Variants in NEMP2 observed in about 807,000 individuals in gnomAD.
The protein encoded by NEMP2 is UPF0571 transmembrane protein.
Under a neutral mutation model 54.2 loss-of-function variants are expected in NEMP2, and 53 were observed. That is an observed-to-expected ratio of 0.98 (90% CI 0.78 to 1.23). The LOEUF (loss-of-function observed/expected upper bound fraction) is 1.23, where lower values mean the gene tolerates loss of function less well. NEMP2 is among the 50% of genes most tolerant of loss of function. The pLI is 0.00. For synonymous variants in NEMP2, 197 were observed against 190.3 expected (o/e 1.04, Z -0.29); for missense variants, 455 against 511.3 (o/e 0.89, Z 1.06).
downstream of NEMP2, among the ~76,000 whole-genome samples, chr2:190,503,756 C>A (rs1047518626): frequency 6.6e-6 from 1 of 152,170 alleles, no homozygotes; most frequent in African/African-American, 2.4e-5. This position sits in a 1 kb window ranked among gnomAD's most constrained non-coding sequence, Gnocchi z 6.3. Context: ...AATTCCAAAC[C>A]ATGGGGCAGT....
At chr2:190,564,419 A>C in the NEMP2 span, among the ~76,000 whole-genome samples, 1 of 152,166 alleles carries the variant, frequency 6.6e-6, no homozygotes, top group East Asian at 1.9e-4. The surrounding 1 kb of genome is among the most constrained non-coding windows in gnomAD (Gnocchi z 4.2). Flanking sequence ...TTTAGGGCCA[A>C]TTTTATTCAA....
At chr2:190,425,042 A>G in the NEMP2 span, among the ~76,000 whole-genome samples, 2 of 152,178 alleles carry the variant, frequency 1.3e-5, no homozygotes, top group Non-Finnish European at 2.9e-5. The surrounding 1 kb of genome is among the most constrained non-coding windows in gnomAD (Gnocchi z 4.3). Context: ...TCAGCATTTT[A>G]TGGTTTTCAG....
chr2:190,571,172 G>A, the NEMP2 span, among the ~76,000 whole-genome samples: 4 of 152,124 alleles, frequency 2.6e-5, no homozygotes, highest in Non-Finnish European at 5.9e-5. Context: ...AATTTTGGAG[G>A]ATTACATAAG....
chr2:190,464,015 A>G, the NEMP2 span: 1 of 488,354 alleles, frequency 2.0e-6, no homozygotes, highest in African/African-American at 2.1e-5. Context: ...AACTCCAGCC[A>G]GGTATAGCTG....
chr2:190,602,999 G>A, the NEMP2 span, among the ~76,000 whole-genome samples: 11 of 152,054 alleles, frequency 7.2e-5, no homozygotes, highest in African/African-American at 2.7e-4. Context: ...TGTAACTGAT[G>A]GGCTTATATC....
At chr2:190,558,771 A>G in the NEMP2 span, among the ~76,000 whole-genome samples, 1 of 152,202 alleles carries the variant, frequency 6.6e-6, no homozygotes, top group Non-Finnish European at 1.5e-5. This position sits in a 1 kb window ranked among gnomAD's most constrained non-coding sequence, Gnocchi z 4.4. Context: ...TCAAAAAATA[A>G]AGTAAACTGA....
In NEMP2 at chr2:190,522,195, T is replaced by C. The variant is rs1690774629; in HGVS notation, c.214-3012A>G. On this transcript the variant is annotated intron_variant, in intron 2 of 8. Coordinates refer to ENST00000409150, the MANE Select transcript of NEMP2 (RefSeq NM_001142645.2). This position sits in a 1 kb window ranked among gnomAD's most constrained non-coding sequence, Gnocchi z 5.0. ...AATGATAATAACACAAACATAAAGA[T>C]GGAAACAACAGACAACTGGGGACTT... Among the ~76,000 whole-genome samples the C allele has an allele frequency of 6.6e-6, 1 of 152,018 alleles. No individual in the cohort carries two copies. Among genetic ancestry groups the C allele is most frequent in the South Asian group, 2.1e-4 (1 of 4,814 alleles).
the NEMP2 span, among the ~76,000 whole-genome samples, chr2:190,448,176 A>G: frequency 7.9e-5 from 12 of 152,190 alleles, no homozygotes; most frequent in African/African-American, 2.9e-4. Flanking sequence ...GTCAAAGTGT[A>G]TGGTAGACAA....
chr2:190,621,343 T>C, the NEMP2 span, among the ~76,000 whole-genome samples: 1 of 152,314 alleles, frequency 6.6e-6, no homozygotes, highest in African/African-American at 2.4e-5. Flanking sequence ...AGCATAATGG[T>C]AAACATTTGT....
At chr2:190,470,363 G>T in the NEMP2 span, among the ~76,000 whole-genome samples, 148 of 152,184 alleles carry the variant, frequency 9.7e-4, no homozygotes, top group African/African-American at 3.3e-3. Flanking sequence ...CAAATGTCCT[G>T]CCCTGAGTTC....
the NEMP2 span, among the ~76,000 whole-genome samples, chr2:190,487,284 T>G: frequency 6.6e-6 from 1 of 152,194 alleles, no homozygotes; most frequent in African/African-American, 2.4e-5. This position sits in a 1 kb window ranked among gnomAD's most constrained non-coding sequence, Gnocchi z 5.5. Flanking sequence ...GAGGTTGCAG[T>G]GAGCTGAGGT....
the NEMP2 span, among the ~76,000 whole-genome samples, chr2:190,457,003 C>T: frequency 2.6e-5 from 4 of 152,196 alleles, no homozygotes; most frequent in African/African-American, 4.8e-5. The surrounding 1 kb of genome is among the most constrained non-coding windows in gnomAD (Gnocchi z 5.1). Flanking sequence ...CATAAACGTT[C>T]ATCCAGCTTC....
the NEMP2 span, chr2:190,610,080 A>G: frequency 6.6e-6 from 1 of 152,222 alleles, no homozygotes; most frequent in Non-Finnish European, 1.5e-5. The surrounding 1 kb of genome is among the most constrained non-coding windows in gnomAD (Gnocchi z 5.4). Flanking sequence ...CTGTAGCCAA[A>G]AAATTAGAAT....
chr2:190,490,302 G>A, the NEMP2 span, among the ~76,000 whole-genome samples: 2 of 151,186 alleles, frequency 1.3e-5, no homozygotes, highest in Non-Finnish European at 2.9e-5. This position sits in a 1 kb window ranked among gnomAD's most constrained non-coding sequence, Gnocchi z 4.5. Flanking sequence ...AGTGGCTCAC[G>A]CCTGTAATCC....
At chr2:190,584,593 C>A in the NEMP2 span, among the ~76,000 whole-genome samples, 1 of 152,016 alleles carries the variant, frequency 6.6e-6, no homozygotes, top group Non-Finnish European at 1.5e-5. The surrounding 1 kb of genome is among the most constrained non-coding windows in gnomAD (Gnocchi z 4.2). Context: ...GAAAATATGG[C>A]CAGGCATGGT....
At chr2:190,607,187 C>T in the NEMP2 span, among the ~76,000 whole-genome samples, 1 of 152,142 alleles carries the variant, frequency 6.6e-6, no homozygotes, top group Non-Finnish European at 1.5e-5. This position sits in a 1 kb window ranked among gnomAD's most constrained non-coding sequence, Gnocchi z 5.2. Flanking sequence ...GAATAGGAGT[C>T]AGGGTTTGAC....
Position 190,517,609 on chromosome 2 carries a change from G to T in NEMP2, c.523C>A (p.Pro175Thr). Reference sequence around the variant, plus strand: ...GTTCCCGAGGAGTAATAGAAAGTAGGGCTTCTGTCAAGATAAGCAGATAAA... The same window carrying T: ...GTTCCCGAGGAGTAATAGAAAGTAGTGCTTCTGTCAAGATAAGCAGATAAA... ...FFYARTLSQS[P>T]TFYYSSGTVL... Residue 175 changes from proline (P) to threonine (T), a missense_variant, in exon 5 of 9, where the codon CCT (proline) becomes ACT (threonine). Coordinates refer to ENST00000409150, the MANE Select transcript of NEMP2 (RefSeq NM_001142645.2). 1 of 1,547,182 alleles carries T rather than the reference G, an allele frequency of 6.5e-7. No homozygotes were observed. Among genetic ancestry groups the T allele is most frequent in the Non-Finnish European group, 8.7e-7 (1 of 1,144,904 alleles).
At chr2:190,557,887 A>G in the NEMP2 span, among the ~76,000 whole-genome samples, 1 of 152,246 alleles carries the variant, frequency 6.6e-6, no homozygotes. Context: ...AGTGTAAATT[A>G]GTTCAACCAT....
the NEMP2 span, among the ~76,000 whole-genome samples, chr2:190,603,191 A>G: frequency 6.6e-6 from 1 of 152,122 alleles, no homozygotes; most frequent in Non-Finnish European, 1.5e-5. Flanking sequence ...GGGGTATGGA[A>G]TGTGGGGTGT....
Sources: gnomAD v4.1 joint callset for allele counts (sites outside exome capture counted in the v4.1 genomes callset) on GRCh38, gnomAD v4.1.1 for gene constraint, Gnocchi (gnomAD v3.1) non-coding constraint, MANE v1.5 for transcripts, NCBI Gene and HGNC (gene_info 2026-07-23, HGNC 2026-07-21) for gene names.